The following LRP1B variants were observed in gnomAD, a reference collection of about 807,000 sequenced individuals.
LRP1B encodes LDL receptor related protein 1B, also known as low-density lipoprotein receptor-related protein 1B.
In LRP1B, 217 loss-of-function variants were observed where a neutral mutation model predicts 556.6. The ratio of observed to expected loss-of-function variants is 0.39; its 90% CI spans 0.35 to 0.44. LRP1B has a LOEUF of 0.44. LRP1B is among the 20% of genes least tolerant of loss of function. The pLI, the probability that LRP1B is intolerant of heterozygous loss-of-function variation, is 1.00. For missense variants in LRP1B, 5,053 were observed against 5,620.8 expected (o/e 0.90, Z 3.23); for synonymous variants, 2,047 against 1,865.8 (o/e 1.10, Z -2.50).
At chr2:141,935,855 A>T (rs1700621133) in intron 1 of LRP1B, among the ~76,000 whole-genome samples, 1 of 152,228 alleles carries the variant, frequency 6.6e-6, no homozygotes, top group Admixed American at 6.5e-5. Context: ...TGGGAGGCTG[A>T]AGTGGGAGGA....
intron 21 of LRP1B, among the ~76,000 whole-genome samples, chr2:140,910,299 T>C (rs1360858285): frequency 1.3e-5 from 2 of 151,812 alleles, no homozygotes; most frequent in Admixed American, 6.6e-5. Flanking sequence ...GCAATCTAAA[T>C]AGCAGAGAAC....
chr2:142,115,481 TA>T (rs1707156932), intron 1 of LRP1B, among the ~76,000 whole-genome samples: 1 of 57,972 alleles, frequency 1.7e-5, no homozygotes, highest in Admixed American at 3.4e-4. Flanking sequence ...TACATACATA[TA>T]ATATATAATT....
At chr2:140,495,855 G>C in intron 55 of LRP1B, 107 bp from the exon 56 acceptor site, 1 of 854,048 alleles carries the variant, frequency 1.2e-6, no homozygotes, top group Non-Finnish European at 1.8e-6. Context: ...AATAGATAAA[G>C]GCAAGTCTTT....
chr2:140,694,080 T>C (rs1686340282), intron 41 of LRP1B, among the ~76,000 whole-genome samples: 1 of 152,200 alleles, frequency 6.6e-6, no homozygotes, highest in Non-Finnish European at 1.5e-5. Flanking sequence ...ATTTGCTTTT[T>C]TTAAAAAATA....
chr2:140,901,818 G>A (rs1041956004), intron 23 of LRP1B, among the ~76,000 whole-genome samples: 2 of 151,826 alleles, frequency 1.3e-5, no homozygotes, highest in African/African-American at 2.4e-5. Flanking sequence ...TTATTTGATA[G>A]CATATTTTAA....
intron 60 of LRP1B, among the ~76,000 whole-genome samples, chr2:140,461,730 A>T (rs1245114753): frequency 1.3e-5 from 2 of 152,162 alleles, no homozygotes; most frequent in African/African-American, 4.8e-5. Context: ...ACTACTCAGG[A>T]GACTGAGGCA....
At position 140,886,236 on chromosome 2, in the gene LRP1B, T is replaced by C. The variant is rs1421377273; in HGVS notation, c.3866A>G (p.Asn1289Ser). The C allele has an allele frequency of 1.9e-6, 3 of 1,609,638 alleles. No individual in the cohort carries two copies. ...GAAGTGAAAATCAAGTGCTATTGTG[T>C]TTCTCAATCCAGGAACAAGTAGACT... ...DYSLLVPGLR[N>S]TIALDFHFNQ... The change falls in exon 24 of 91, where the codon AAC (asparagine) becomes AGC (serine). Residue 1289 changes from asparagine (N) to serine (S), a missense_variant. Physicochemically the swap from Asn to Ser is conservative, Grantham distance 46. Transcript: ENST00000389484.
intron 20 of LRP1B, among the ~76,000 whole-genome samples, chr2:140,946,655 A>G (rs1183083996): frequency 3.9e-5 from 6 of 152,158 alleles, no homozygotes; most frequent in South Asian, 2.1e-4. Context: ...CTATCATTTG[A>G]CCCAGCAATC....
In LRP1B at chr2:141,140,263, A is replaced by G. The variant is rs537484416; in HGVS notation, c.1013+48158T>C. 3.3e-5 allele frequency among the ~76,000 whole-genome samples: 5 copies of G among 152,244 alleles called. No homozygotes were observed. The East Asian group carries it at 9.6e-4, about 29-fold the overall frequency. Reference sequence around the variant, plus strand: ...TTATTTTGATTGTAGTAATGTTTCCACTGACATATATATTTCATCACGTCT... The same window carrying G: ...TTATTTTGATTGTAGTAATGTTTCCGCTGACATATATATTTCATCACGTCT... On this transcript the variant is annotated intron_variant, in intron 7 of 90. Coordinates refer to ENST00000389484, the MANE Select transcript of LRP1B (RefSeq NM_018557.3).
chr2:140,474,897 G>A (rs1687906157), intron 60 of LRP1B, among the ~76,000 whole-genome samples: 1 of 151,706 alleles, frequency 6.6e-6, no homozygotes, highest in Admixed American at 6.6e-5. Flanking sequence ...CCATTTACTA[G>A]AAAATCTATT....
intron 43 of LRP1B, among the ~76,000 whole-genome samples, chr2:140,580,920 G>A (rs577272044): frequency 1.3e-5 from 2 of 152,250 alleles, no homozygotes; most frequent in Non-Finnish European, 1.5e-5. Flanking sequence ...TTGAAAATGA[G>A]GAGAGAGAAA....
At chr2:140,829,422 G>T (rs1289181914) in intron 31 of LRP1B, among the ~76,000 whole-genome samples, 2 of 152,072 alleles carry the variant, frequency 1.3e-5, no homozygotes, top group East Asian at 3.9e-4. Flanking sequence ...AGTCAAAATT[G>T]TATCAAGTTT....
chr2:142,005,268 G>A (rs1390040422), intron 1 of LRP1B, among the ~76,000 whole-genome samples: 6 of 151,822 alleles, frequency 4.0e-5, no homozygotes, highest in South Asian at 4.2e-4. Flanking sequence ...GGATTAACAC[G>A]GAAAATTGTG....
chr2:142,014,812 G>A (rs1703069724), intron 1 of LRP1B, among the ~76,000 whole-genome samples: 1 of 152,018 alleles, frequency 6.6e-6, no homozygotes, highest in Non-Finnish European at 1.5e-5. Flanking sequence ...GGTGAGGCAG[G>A]AACAAGAGGT....
At chr2:141,409,668 T>A (rs6429874) in intron 3 of LRP1B, among the ~76,000 whole-genome samples, 98,854 of 151,868 alleles carry the variant, frequency 0.65, 33,406 homozygotes, top group Non-Finnish European at 0.75. Context: ...TTATGGAACT[T>A]ACATCCTACA....
At position 140,391,431 on chromosome 2, in the gene LRP1B, G is replaced by A. The variant is rs1202283616; in HGVS notation, c.10415-5422C>T. Among the ~76,000 whole-genome samples, 8 of 152,210 alleles carry A rather than the reference G, an allele frequency of 5.3e-5. No homozygotes were observed. In the East Asian group the frequency reaches 1.5e-3, roughly 29 times the overall value. On this transcript the variant is annotated intron_variant, in intron 66 of 90. Coordinates refer to ENST00000389484, the MANE Select transcript of LRP1B (RefSeq NM_018557.3). ...AGGGAAGTATCTGGGTAGAAGAAAA[G>A]TTTCTGTATCTTGTTTTGGGTGTCT... is the stretch of plus-strand genomic sequence containing the variant.
At chr2:141,085,054 G>C (rs982621997) in intron 7 of LRP1B, among the ~76,000 whole-genome samples, 2 of 148,026 alleles carry the variant, frequency 1.4e-5, no homozygotes, top group Admixed American at 1.4e-4. Context: ...TTAAATTCAA[G>C]GAACACCTTT....
chr2:141,829,126 T>C (rs1384409659), intron 1 of LRP1B, among the ~76,000 whole-genome samples: 1 of 152,076 alleles, frequency 6.6e-6, no homozygotes, highest in African/African-American at 2.4e-5. Context: ...CTAAAATTTA[T>C]ATTAGTACTA....
chr2:141,062,691 A>G (rs1699369198), intron 7 of LRP1B, among the ~76,000 whole-genome samples: 1 of 151,802 alleles, frequency 6.6e-6, no homozygotes, highest in Admixed American at 6.6e-5. Flanking sequence ...TTTGTGTCTT[A>G]TAAAACTTAT....
Sources: allele counts gnomAD v4.1 joint callset (sites outside exome capture counted in the v4.1 genomes callset), GRCh38; gene constraint gnomAD v4.1.1; transcripts MANE v1.5; gene names NCBI Gene and HGNC (gene_info 2026-07-23, HGNC 2026-07-21).